The following GRM5 variants were observed in gnomAD, a reference collection of about 807,000 sequenced individuals.
GRM5 encodes the protein glutamate metabotropic receptor 5, also known as metabotropic glutamate receptor 5.
GRM5 carries 19 observed loss-of-function variants against 83.1 expected under a neutral mutation model. The ratio of observed to expected loss-of-function variants is 0.23; its 90% CI spans 0.16 to 0.34. The LOEUF (loss-of-function observed/expected upper bound fraction) is 0.34, where lower values mean the gene tolerates loss of function less well. GRM5 is among the 10% of genes least tolerant of loss of function. GRM5 has a pLI of 1.00. For synonymous variants in GRM5, 675 were observed against 633.6 expected, an observed-to-expected ratio of 1.07 and a Z score of -0.98; for missense variants, 1,160 against 1,588.3, an observed-to-expected ratio of 0.73 and a Z score of 4.58.
intron 8 of GRM5, among the ~76,000 whole-genome samples, chr11:88,534,789 C>G (rs1006374153): frequency 1.9e-4 from 29 of 152,156 alleles, no homozygotes; most frequent in African/African-American, 7.0e-4. Flanking sequence ...TTCATCTTCA[C>G]TTGTACTCCC....
chr11:88,578,664 A>G (rs1679788702), intron 7 of GRM5, among the ~76,000 whole-genome samples: 1 of 152,194 alleles, frequency 6.6e-6, no homozygotes, highest in African/African-American at 2.4e-5. Context: ...AAGTTTAAAT[A>G]TACTGACTTT....
At chr11:88,772,520 T>TA (rs1326575963) in intron 3 of GRM5, among the ~76,000 whole-genome samples, 1 of 152,142 alleles carries the variant, frequency 6.6e-6, no homozygotes, top group Non-Finnish European at 1.5e-5. Flanking sequence ...CACATAGGTA[T>TA]ACATGTGCCA....
At chr11:88,672,524 AT>A (rs1391156677) in intron 3 of GRM5, among the ~76,000 whole-genome samples, 4 of 151,932 alleles carry the variant, frequency 2.6e-5, no homozygotes, top group African/African-American at 9.7e-5. Context: ...AAGTTATTTT[AT>A]TTTTTATAAG....
chr11:88,637,988 A>G (rs1939183440), intron 4 of GRM5, among the ~76,000 whole-genome samples: 1 of 152,008 alleles, frequency 6.6e-6, no homozygotes, highest in Admixed American at 6.6e-5. Context: ...AAAAATGATT[A>G]GTTCATGTCC....
At chr11:88,848,822 C>T (rs1469629633) in intron 3 of GRM5, among the ~76,000 whole-genome samples, 1 of 152,174 alleles carries the variant, frequency 6.6e-6, no homozygotes, top group Non-Finnish European at 1.5e-5. Flanking sequence ...ACATTTGAAG[C>T]AGTAGACTGA....
intron 2 of GRM5, among the ~76,000 whole-genome samples, chr11:89,034,075 AAATT>A (rs1246111349): frequency 1.3e-5 from 2 of 151,708 alleles, no homozygotes; most frequent in African/African-American, 4.8e-5. Context: ...TCCTAAAAAT[AAATT>A]GTTTCACTGT....
At chr11:88,850,894 G>C (rs566802140) in intron 2 of GRM5, among the ~76,000 whole-genome samples, 1 of 152,014 alleles carries the variant, frequency 6.6e-6, no homozygotes, top group Non-Finnish European at 1.5e-5. Context: ...GATTAATATT[G>C]ACAGTCAGCT....
chr11:88,960,405 A>G (rs902671103), intron 2 of GRM5, among the ~76,000 whole-genome samples: 1 of 152,206 alleles, frequency 6.6e-6, no homozygotes, highest in African/African-American at 2.4e-5. Flanking sequence ...ATATTGCTAA[A>G]TATTAAAAGG....
At position 88,590,644 on chromosome 11, in the gene GRM5, G is replaced by A. The variant is rs1005748101; in HGVS notation, c.1647C>T (p.Cys549=). Residue 549 remains cysteine (C), a synonymous_variant, in exon 7 of 10, where the codon TGC becomes TGT. Coordinates refer to ENST00000305447, the MANE Select transcript of GRM5 (RefSeq NM_001143831.3). ...ENEYVFDEYT[C]KACQLGSWPT... is the part of the protein sequence containing the mutation. ...GCCAAGACCCCAGTTGGCATGCCTTGCATGTGTACTCATCAAAGACATACT... is the reference window on the plus strand; with the variant it reads ...GCCAAGACCCCAGTTGGCATGCCTTACATGTGTACTCATCAAAGACATACT... The A allele has an allele frequency of 6.2e-7, 1 of 1,607,890 alleles. No individual in the cohort carries two copies. Among genetic ancestry groups the A allele is most frequent in the Non-Finnish European group, 8.5e-7 (1 of 1,174,474 alleles).
intron 3 of GRM5, among the ~76,000 whole-genome samples, chr11:88,733,996 C>T (rs1423415397): frequency 6.6e-6 from 1 of 151,856 alleles, no homozygotes; most frequent in Non-Finnish European, 1.5e-5. Context: ...ACAGTATTTA[C>T]CAAAGTATGG....
chr11:88,783,332 C>T (rs998314881), intron 3 of GRM5, among the ~76,000 whole-genome samples: 1 of 152,068 alleles, frequency 6.6e-6, no homozygotes, highest in African/African-American at 2.4e-5. Flanking sequence ...GTATCTTCCT[C>T]ACTGTCCATA....
chr11:88,819,465 C>T (rs148065054), intron 3 of GRM5, among the ~76,000 whole-genome samples: 2,623 of 152,156 alleles, frequency 0.017, 33 homozygotes, highest in Middle Eastern at 0.068. Context: ...ATTTATATAA[C>T]CTTAGACAAT....
At chr11:88,750,477 C>T (rs1222373678) in intron 3 of GRM5, among the ~76,000 whole-genome samples, 1 of 152,134 alleles carries the variant, frequency 6.6e-6, no homozygotes, top group Non-Finnish European at 1.5e-5. Flanking sequence ...TAGACTCCCA[C>T]ATAATAATAA....
At chr11:89,059,695 C>T (rs1196345486) in intron 1 of GRM5, among the ~76,000 whole-genome samples, 5 of 152,044 alleles carry the variant, frequency 3.3e-5, no homozygotes, top group East Asian at 1.9e-4. Flanking sequence ...GCAGAAAACT[C>T]GACATCCAAA....
intron 2 of GRM5, among the ~76,000 whole-genome samples, chr11:88,959,504 T>C (rs1397824184): frequency 6.6e-6 from 1 of 152,110 alleles, no homozygotes; most frequent in African/African-American, 2.4e-5. Context: ...TTATCTGCAT[T>C]TTAGATTTTA....
At position 88,863,933 on chromosome 11, in the gene GRM5, T is replaced by C. The variant is rs566582198; in HGVS notation, c.662-13778A>G. Among the ~76,000 whole-genome samples the C allele has an allele frequency of 4.0e-5, 6 of 151,798 alleles. No homozygotes were observed. In the East Asian group the frequency reaches 9.7e-4, roughly 25 times the overall value. ...TACTCCATGACTTTGAAGGGACCAC[T>C]GACTTAACTGGCTATAATAGAGACT... On this transcript the variant is annotated intron_variant, in intron 2 of 9. Coordinates refer to ENST00000305447, the MANE Select transcript of GRM5 (RefSeq NM_001143831.3).
intron 2 of GRM5, among the ~76,000 whole-genome samples, chr11:88,934,601 G>A (rs925388375): frequency 4.0e-5 from 6 of 151,792 alleles, no homozygotes; most frequent in African/African-American, 1.4e-4. Context: ...GTTGTACATC[G>A]TGATTTAATT....
intron 3 of GRM5, among the ~76,000 whole-genome samples, chr11:88,807,933 TATC>T (rs2135493943): frequency 6.6e-6 from 1 of 152,192 alleles, no homozygotes; most frequent in East Asian, 1.9e-4. Flanking sequence ...CAGTATTTGT[TATC>T]ATTTATAGAA....
intron 6 of GRM5, among the ~76,000 whole-genome samples, chr11:88,593,248 G>T (rs767745049): frequency 1.2e-4 from 19 of 152,094 alleles, no homozygotes; most frequent in Non-Finnish European, 1.9e-4. Context: ...GAATGAAATC[G>T]CTGTTAAACC....
Sources: allele counts gnomAD v4.1 joint callset (sites outside exome capture counted in the v4.1 genomes callset), GRCh38; gene constraint gnomAD v4.1.1; transcripts MANE v1.5; gene names NCBI Gene and HGNC (gene_info 2026-07-23, HGNC 2026-07-21).